The following LYST variants were observed in gnomAD, a reference collection of about 807,000 sequenced individuals.
LYST encodes the protein lysosomal trafficking regulator, also known as lysosomal-trafficking regulator.
Under a neutral mutation model 413.6 loss-of-function variants are expected in LYST, and 192 were observed. That is an observed-to-expected ratio of 0.46 (90% CI 0.41 to 0.52). LYST has a LOEUF of 0.52. Ranked by LOEUF, LYST falls within the 20% of genes least tolerant of loss-of-function variation. The probability of loss-of-function intolerance (pLI) is 0.00; values close to 1 mark genes in which losing one functional copy is unlikely to be tolerated. For missense variants in LYST, 3,815 were observed against 4,499.9 expected (o/e 0.85, Z 4.35); for synonymous variants, 1,525 against 1,567.3 (o/e 0.97, Z 0.64).
chr1:235,824,665 G>C (rs1421701990), intron 3 of LYST, among the ~76,000 whole-genome samples: 1 of 152,202 alleles, frequency 6.6e-6, no homozygotes, highest in Non-Finnish European at 1.5e-5. Flanking sequence ...AGAATAAGTA[G>C]ATTAAAATTT....
At chr1:235,856,940 ATTT>A (rs59484092) in intron 1 of LYST, among the ~76,000 whole-genome samples, 3,197 of 121,738 alleles carry the variant, frequency 0.026, 69 homozygotes, top group African/African-American at 0.098. Context: ...GGATATACTG[ATTT>A]TTTTTTTTTT....
chr1:235,816,519 T>C (rs1346700741), intron 3 of LYST, among the ~76,000 whole-genome samples: 1 of 148,242 alleles, frequency 6.7e-6, no homozygotes, highest in Non-Finnish European at 1.5e-5. Flanking sequence ...TTCAATGCTA[T>C]TCCAAACTAC....
intron 25 of LYST, among the ~76,000 whole-genome samples, chr1:235,755,268 A>G (rs898427985): frequency 6.6e-6 from 1 of 151,960 alleles, no homozygotes; most frequent in African/African-American, 2.4e-5. Flanking sequence ...ACGTGCCTGT[A>G]ATCCCAGCTA....
At chr1:235,859,515 TA>T (rs59011777) in intron 1 of LYST, among the ~76,000 whole-genome samples, 1 of 151,280 alleles carries the variant, frequency 6.6e-6, no homozygotes, top group African/African-American at 2.4e-5. Context: ...TTTTTTTTTT[TA>T]AATGTATCTA....
intron 31 of LYST, chr1:235,737,651 A>G (rs1166781126): frequency 1.3e-5 from 2 of 152,976 alleles, no homozygotes; most frequent in Non-Finnish European, 2.9e-5. Flanking sequence ...ATGTCGACAC[A>G]ACAACTTGAA....
intron 31 of LYST, chr1:235,739,040 G>C (rs1665089183): frequency 1.5e-6 from 1 of 650,862 alleles, no homozygotes; most frequent in Admixed American, 1.9e-5. Flanking sequence ...TAGGATTTTA[G>C]TTGGAGGTTG....
intron 3 of LYST, among the ~76,000 whole-genome samples, chr1:235,818,527 T>C (rs1366201526): frequency 6.6e-6 from 1 of 152,176 alleles, no homozygotes; most frequent in Non-Finnish European, 1.5e-5. Flanking sequence ...CCATGTGCTT[T>C]ACTTCCAAAT....
intron 45 of LYST, 42 bp from the exon 46 acceptor site, chr1:235,697,314 G>A: frequency 7.0e-7 from 1 of 1,437,830 alleles, no homozygotes; most frequent in Non-Finnish European, 9.7e-7. Flanking sequence ...TTTAAAAGGT[G>A]GTAAGTGTAG....
rs139907712 is a variant in LYST, at chr1:235,778,098, A to AATATATATATATATAT, written c.5215-806_5215-791dup. On this transcript the variant is annotated intron_variant, in intron 16 of 52. Coordinates refer to ENST00000389793, the MANE Select transcript of LYST (RefSeq NM_000081.4). ...CCACCACACCCAGTTAACCCAGTTA[A>AATATATATATATATAT]ATATATATATATATATATATATATT... Among the ~76,000 whole-genome samples, 82 of 127,998 alleles carry AATATATATATATATAT rather than the reference A, an allele frequency of 6.4e-4. 1 individual carries two copies. Among genetic ancestry groups the AATATATATATATATAT allele is most frequent in the African/African-American group, 2.9e-3 (78 of 26,696 alleles). The allele number at this position is 127,998 out of a possible 152,430, so 84.0% of individuals were successfully genotyped here. A position where few individuals can be genotyped will look rare whatever the true frequency, so the allele number is the denominator to read the frequency against.
rs761441298 is a variant in LYST, at chr1:235,728,125, C to T, written c.9113G>A (p.Cys3038Tyr). 1 of 1,610,534 alleles carries T rather than the reference C, an allele frequency of 6.2e-7. No homozygotes were observed. The highest frequency in any genetic ancestry group is 1.1e-5 in the South Asian group (1 of 91,016). ...ATTATCTTCCACAAAATACATTCCA[C>T]ATTTACCTGCAGAAAGTAATTGGAT... is the stretch of plus-strand genomic sequence containing the variant. The part of the protein sequence containing the change: ...ETAGELLLGK[C>Y]GMYFVEDNAS... Residue 3038 changes from cysteine (C) to tyrosine (Y), a missense_variant, in exon 38 of 53, where the codon TGT (cysteine) becomes TAT (tyrosine). By Grantham distance (194) the Cys-to-Tyr change is radical. Around this residue, in one of 4 missense-constraint regions of LYST, gnomAD observed 866 missense variants for 1,156.0 expected, o/e 0.75. Coordinates refer to ENST00000389793, the MANE Select transcript of LYST (RefSeq NM_000081.4).
chr1:235,727,961 T>C, intron 38 of LYST, 115 bp downstream of exon 38: 2 of 810,574 alleles, frequency 2.5e-6, no homozygotes, highest in Admixed American at 1.8e-5. Flanking sequence ...AATCTATACA[T>C]AGAGTGACAA....
At chr1:235,778,122 T>TATA (rs1558230944) in intron 16 of LYST, among the ~76,000 whole-genome samples, 1 of 144,776 alleles carries the variant, frequency 6.9e-6, no homozygotes, top group African/African-American at 2.7e-5. Context: ...TATATATATA[T>TATA]TTTTGTAGAG....
chr1:235,699,874 T>C (rs1035980325), intron 45 of LYST, among the ~76,000 whole-genome samples: 3 of 152,160 alleles, frequency 2.0e-5, no homozygotes, highest in Non-Finnish European at 4.4e-5. Flanking sequence ...AGTATGATAC[T>C]GGTACCAACA....
intron 29 of LYST, among the ~76,000 whole-genome samples, chr1:235,744,395 T>TAA (rs1665706087): frequency 1.3e-5 from 2 of 152,120 alleles, no homozygotes; most frequent in Admixed American, 6.5e-5. Flanking sequence ...TTTAATGGAC[T>TAA]AATGAAGGTA....
intron 25 of LYST, 124 bp from the exon 26 acceptor site, chr1:235,753,398 G>A: frequency 1.5e-6 from 1 of 665,506 alleles, no homozygotes; most frequent in Admixed American, 2.4e-5. Context: ...GGGGGAGTAA[G>A]GATTCTTAAC....
intron 47 of LYST, 75 bp from the exon 48 acceptor site, chr1:235,687,122 A>T: frequency 9.7e-7 from 1 of 1,031,832 alleles, no homozygotes; most frequent in Non-Finnish European, 1.5e-6. Context: ...AATAAAATAA[A>T]AGAATGAAAA....
chr1:235,745,399 A>G (rs576637267), intron 29 of LYST, among the ~76,000 whole-genome samples: 6 of 152,346 alleles, frequency 3.9e-5, no homozygotes, highest in Admixed American at 2.6e-4. Flanking sequence ...CAGAATGGCT[A>G]AAATAAAAAA....
chr1:235,792,233 G>A, intron 11 of LYST, 108 bp from the exon 12 acceptor site: 2 of 712,402 alleles, frequency 2.8e-6, no homozygotes, highest in Non-Finnish European at 4.8e-6. Flanking sequence ...ACACATATCA[G>A]CATTCCTATT....
rs971416672 is a variant in LYST, at chr1:235,808,558, C to T, written c.2260G>A (p.Val754Ile). 1.2e-5 allele frequency: 19 copies of T among 1,613,674 alleles called. No homozygotes were observed. Among genetic ancestry groups the T allele is most frequent in the East Asian group, 4.5e-5 (2 of 44,868 alleles). Residue 754 changes from valine (V) to isoleucine (I), a missense_variant, in exon 5 of 53, where the codon GTT becomes ATT. Val to Ile is a conservative substitution (Grantham distance 29). Coordinates refer to ENST00000389793, the MANE Select transcript of LYST (RefSeq NM_000081.4). ...ELAHHCQHLS[V>I]TSAQSHVCSH... ...CATACATGACTTTGAGCTGAAGTAA[C>T]GCTTAGGTGTTGACAATGATGTGCT...
Sources: allele counts gnomAD v4.1 joint callset (sites outside exome capture counted in the v4.1 genomes callset), GRCh38; gene constraint gnomAD v4.1.1; regional missense constraint gnomAD v4.1.1; transcripts MANE v1.5; gene names NCBI Gene and HGNC (gene_info 2026-07-23, HGNC 2026-07-21).